ZNF761: variants seen among roughly 807,000 people sequenced by gnomAD.
ZNF761 encodes the protein zinc finger protein 761.
In ZNF761, 43 loss-of-function variants were observed where a neutral mutation model predicts 59.9. That is an observed-to-expected ratio of 0.72 (90% CI 0.56 to 0.92). The LOEUF (loss-of-function observed/expected upper bound fraction) is 0.92, where lower values mean the gene tolerates loss of function less well. Ranked by LOEUF, ZNF761 falls within the 40% of genes least tolerant of loss-of-function variation. The probability of loss-of-function intolerance (pLI) is 0.00; values close to 1 mark genes in which losing one functional copy is unlikely to be tolerated. For synonymous variants in ZNF761, 294 were observed against 304.8 expected (o/e 0.96, Z 0.37); for missense variants, 850 against 906.1 (o/e 0.94, Z 0.79).
At chr19:53,433,780 C>A (rs2086004277) in intron 1 of ZNF761, among the ~76,000 whole-genome samples, 1 of 152,132 alleles carries the variant, frequency 6.6e-6, no homozygotes, top group South Asian at 2.1e-4. Context: ...CAAACCAATT[C>A]TTAGTATGGC....
rs781761316 is a variant in ZNF761 at position 53,454,961 on chromosome 19, C to T, written c.454C>T (p.His152Tyr). 3.7e-6 allele frequency: 6 copies of T among 1,614,042 alleles called. No individual in the cohort carries two copies. Among genetic ancestry groups the T allele is most frequent in the Admixed American group, 1.7e-5 (1 of 59,998 alleles). ...CTTTCATTCGCATCTGCCTGAAATG[C>T]ACATATTTCAGACCGAAGAGAAAAT... Reference protein sequence around the residue: ...SSFHSHLPEMHIFQTEEKIDN... With the variant: ...SSFHSHLPEMYIFQTEEKIDN... The change falls in exon 5 of 5, where the codon CAC becomes TAC. Residue 152 changes from histidine to tyrosine, a missense_variant. Transcript: ENST00000684525.
intron 1 of ZNF761, among the ~76,000 whole-genome samples, chr19:53,433,930 G>A (rs2086006852): frequency 6.6e-6 from 1 of 152,154 alleles, no homozygotes; most frequent in South Asian, 2.1e-4. Context: ...TTCTTTAATA[G>A]CCTTCCTATT....
intron 1 of ZNF761, among the ~76,000 whole-genome samples, chr19:53,436,195 G>A (rs1043356242): frequency 6.6e-6 from 1 of 152,184 alleles, no homozygotes; most frequent in African/African-American, 2.4e-5. Context: ...ACAGCAGTGG[G>A]AGTGGACAAG....
chr19:53,453,288 C>T (rs1443191305), intron 4 of ZNF761, among the ~76,000 whole-genome samples: 9 of 152,146 alleles, frequency 5.9e-5, no homozygotes, highest in Admixed American at 1.3e-4. Context: ...AGACCGTGCC[C>T]GGCTGTTAGT....
In ZNF761 at chr19:53,455,915, G is replaced by A. The variant is rs759523103; in HGVS notation, c.1408G>A (p.Glu470Lys). 1 of 1,613,920 alleles carries A rather than the reference G, an allele frequency of 6.2e-7. No individual in the cohort carries two copies. The highest frequency in any genetic ancestry group is 8.5e-7 in the Non-Finnish European group (1 of 1,179,906). ...HTGEQPYKCE[E>K]CDKAFRFKSN... ...TGGAGAGCAACCTTACAAATGTGAAGAATGTGACAAAGCTTTCCGTTTCAA... is the reference window on the plus strand; with the variant it reads ...TGGAGAGCAACCTTACAAATGTGAAAAATGTGACAAAGCTTTCCGTTTCAA... Residue 470 changes from glutamate to lysine, a missense_variant, in exon 5 of 5, where the codon GAA (glutamate) becomes AAA (lysine). By Grantham distance (56) the Glu-to-Lys change is moderately conservative (BLOSUM62 1). Transcript: ENST00000684525.
intron 4 of ZNF761, among the ~76,000 whole-genome samples, chr19:53,453,348 GATGGT>G (rs1245208028): frequency 2.0e-5 from 3 of 152,154 alleles, no homozygotes; most frequent in African/African-American, 7.2e-5. Flanking sequence ...TCATAAATCA[GATGGT>G]AGTGATCTTA....
At position 53,456,857 on chromosome 19, in the gene ZNF761, C is replaced by T. The variant is rs369758278; in HGVS notation, c.*109C>T. 1.9e-5 allele frequency: 23 copies of T among 1,223,066 alleles called. No homozygotes were observed. In the East Asian group the frequency reaches 4.2e-4, roughly 23 times the overall value. The allele number at this position is 1,223,066 out of a possible 1,614,324, so 75.8% of individuals were successfully genotyped here. On this transcript the variant is annotated 3_prime_UTR_variant, in exon 5 of 5. Coordinates refer to ENST00000684525, the MANE Select transcript of ZNF761 (RefSeq NM_001289951.2). ...AAGCATGTGATAAAGTTTACAGTGG[C>T]AAATCAAGCCTCAGAAGACAGGAGA...
intron 4 of ZNF761, among the ~76,000 whole-genome samples, chr19:53,453,695 T>C (rs1359916243): frequency 1.3e-5 from 2 of 151,966 alleles, no homozygotes; most frequent in Non-Finnish European, 2.9e-5. Flanking sequence ...GGCCAACGTG[T>C]TGAAACCCTA....
chr19:53,453,409 T>C (rs1412119600), intron 4 of ZNF761, among the ~76,000 whole-genome samples: 3 of 152,186 alleles, frequency 2.0e-5, no homozygotes, highest in Admixed American at 1.3e-4. Flanking sequence ...TAAGTAGAAG[T>C]TTGGCGTTTT....
chr19:53,455,370 A>T lies in ZNF761; in HGVS notation c.863A>T (p.His288Leu), dbSNP rs776792301. The change falls in exon 5 of 5, where the codon CAT becomes CTT. Residue 288 changes from histidine to leucine, a missense_variant. His to Leu is a moderately conservative substitution (Grantham distance 99, BLOSUM62 -3). Coordinates refer to ENST00000684525, the MANE Select transcript of ZNF761 (RefSeq NM_001289951.2). The part of the protein sequence containing the change: ...TFSQTSSLTC[H>L]RRLHTGEKPY... ...AGTCAGACGTCATCCCTTACATGCC[A>T]TCGTAGACTTCATACTGGAGAGAAA... 6.2e-7 allele frequency: 1 copy of T among 1,614,208 alleles called. No homozygotes were observed. Among genetic ancestry groups the T allele is most frequent in the Non-Finnish European group, 8.5e-7 (1 of 1,180,040 alleles).
chr19:53,449,203 ACCTGTAATTTCAGCTACT>A (rs1472769888), intron 3 of ZNF761, among the ~76,000 whole-genome samples: 1 of 151,964 alleles, frequency 6.6e-6, no homozygotes, highest in Non-Finnish European at 1.5e-5. Context: ...GGTGGCATGC[ACCTGTAATTTCAGCTACT>A]CAGGAGGCTA....
chr19:53,457,814 AT>A lies in ZNF761; in HGVS notation c.*1070del. On this transcript the variant is annotated 3_prime_UTR_variant, in exon 5 of 5. Coordinates refer to ENST00000684525, the MANE Select transcript of ZNF761 (RefSeq NM_001289951.2). ...TCAGCCTGGCCAACAGACGTGAGCC[AT>A]TTTCCCAGCCTGTTTTTTGTTTCTT... 1 of 154,508 alleles carries A rather than the reference AT, an allele frequency of 6.5e-6. No individual in the cohort carries two copies. The allele number at this position is 154,508 out of a possible 1,614,324, so 9.6% of individuals were successfully genotyped here. A position where few individuals can be genotyped will look rare whatever the true frequency, so the allele number is the denominator to read the frequency against.
intron 1 of ZNF761, among the ~76,000 whole-genome samples, chr19:53,438,372 A>T (rs534864882): frequency 2.0e-5 from 3 of 152,348 alleles, no homozygotes; most frequent in African/African-American, 7.2e-5. Flanking sequence ...AACACCATGG[A>T]GTCTAGTTGT....
chr19:53,455,752 T>C lies in ZNF761; in HGVS notation c.1245T>C (p.Cys415=), dbSNP rs1568817129. The change falls in exon 5 of 5, where the codon TGT becomes TGC. Residue 415 remains cysteine, a synonymous_variant. Transcript: ENST00000684525. ...TGEKPYKCEE[C]DKAYSFRSNF... is the part of the protein sequence containing the mutation. Reference sequence around the variant, plus strand: ...AGAAACCTTACAAATGTGAAGAATGTGACAAAGCTTACAGTTTCAGATCAA... The same window carrying C: ...AGAAACCTTACAAATGTGAAGAATGCGACAAAGCTTACAGTTTCAGATCAA... 4.3e-6 allele frequency: 7 copies of C among 1,613,908 alleles called. No individual in the cohort carries two copies. Among genetic ancestry groups the C allele is most frequent in the Non-Finnish European group, 5.9e-6 (7 of 1,179,982 alleles).
At position 53,456,023 on chromosome 19, in the gene ZNF761, A is replaced by T; in HGVS notation, c.1516A>T (p.Lys506Ter). The change falls in exon 5 of 5, where the codon AAG becomes TAG. Residue 506 changes from lysine (K) to a stop codon, truncating the protein, a stop_gained. Coordinates refer to ENST00000684525, the MANE Select transcript of ZNF761 (RefSeq NM_001289951.2). LOFTEE classifies it high-confidence loss of function. ...TGAGTGTGGCAAGACCTTTAGTCGG[A>T]AGTCATACCTCACATGCCATCATAG... ...CNECGKTFSR[K>*]SYLTCHHRLH... 1 of 1,613,914 alleles carries T rather than the reference A, an allele frequency of 6.2e-7. No individual in the cohort carries two copies. The highest frequency in any genetic ancestry group is 8.5e-7 in the Non-Finnish European group (1 of 1,179,930).
chr19:53,456,200 C>T lies in ZNF761; in HGVS notation c.1693C>T (p.Leu565Phe), dbSNP rs1213504716. ...CAAGACCTTCAATCAGCAGTTAACC[C>T]TTAAACGCCATCGTAGACTTCATAG... is the stretch of plus-strand genomic sequence containing the variant. Reference protein sequence around the residue: ...CGKTFNQQLTLKRHRRLHSGE... With the variant: ...CGKTFNQQLTFKRHRRLHSGE... The change falls in exon 5 of 5, where the codon CTT becomes TTT. Residue 565 changes from leucine (L) to phenylalanine (F), a missense_variant. Transcript: ENST00000684525. 1.5e-5 allele frequency: 24 copies of T among 1,613,428 alleles called. No homozygotes were observed. Among genetic ancestry groups the T allele is most frequent in the Non-Finnish European group, 1.9e-5 (23 of 1,179,904 alleles).
At chr19:53,440,148 C>T (rs1036287028) in intron 1 of ZNF761, among the ~76,000 whole-genome samples, 2 of 127,366 alleles carry the variant, frequency 1.6e-5, no homozygotes, top group Admixed American at 8.4e-5. Context: ...GAGACCCCCC[C>T]GTCTTGGCCA....
chr19:53,439,036 G>A (rs761780024), intron 1 of ZNF761, among the ~76,000 whole-genome samples: 5 of 152,008 alleles, frequency 3.3e-5, no homozygotes, highest in Non-Finnish European at 5.9e-5. Flanking sequence ...CACTTTGGGC[G>A]GCCACATGGC....
At position 53,455,093 on chromosome 19, in the gene ZNF761, T is replaced by C. The variant is rs145619061; in HGVS notation, c.586T>C (p.Phe196Leu). The C allele has an allele frequency of 1.6e-5, 26 of 1,614,042 alleles. No homozygotes were observed. In the African/African-American group the frequency reaches 2.8e-4, roughly 17 times the overall value. Residue 196 changes from phenylalanine to leucine, a missense_variant, in exon 5 of 5, where the codon TTC (phenylalanine) becomes CTC (leucine). By Grantham distance (22) the Phe-to-Leu change is conservative. Coordinates refer to ENST00000684525, the MANE Select transcript of ZNF761 (RefSeq NM_001289951.2). ...THISNNHGNNFWNSSLLTQKQ... is the reference protein window; with the variant it reads ...THISNNHGNNLWNSSLLTQKQ... ...TATATCTAATAACCATGGGAATAAT[T>C]TCTGGAATTCTTCATTACTCACACA...
Sources: gnomAD v4.1 joint callset for allele counts (sites outside exome capture counted in the v4.1 genomes callset) on GRCh38, gnomAD v4.1.1 for gene constraint, MANE v1.5 for transcripts, NCBI Gene and HGNC (gene_info 2026-07-23, HGNC 2026-07-21) for gene names.